WDFY4: variants seen among roughly 807,000 people sequenced by gnomAD.
The protein encoded by WDFY4 is WDFY family member 4, also known as WD repeat- and FYVE domain-containing protein 4.
WDFY4 carries 169 observed loss-of-function variants against 351.9 expected under a neutral mutation model. That is an observed-to-expected ratio of 0.48 (90% CI 0.42 to 0.55). The LOEUF is 0.55. Ranked by LOEUF, WDFY4 falls within the 20% of genes least tolerant of loss-of-function variation. The probability of loss-of-function intolerance (pLI) is 0.00; values close to 1 mark genes in which losing one functional copy is unlikely to be tolerated. For synonymous variants in WDFY4, 1,622 were observed against 1,574.6 expected, an observed-to-expected ratio of 1.03 and a Z score of -0.71; for missense variants, 3,803 against 3,935.6, an observed-to-expected ratio of 0.97 and a Z score of 0.90.
At position 48,811,654 on chromosome 10, in the gene WDFY4, C is replaced by T. The variant is rs375937231; in HGVS notation, c.5160C>T (p.Ile1720=). Reference sequence around the variant, plus strand: ...TCCACATTCCAGAGGTCTACCTCATCGTCTCCACCTTCTTCCTGCAGACAC... The same window carrying T: ...TCCACATTCCAGAGGTCTACCTCATTGTCTCCACCTTCTTCCTGCAGACAC... ...HHVHIPEVYL[I]VSTFFLQTPL... The change falls in exon 30 of 62, where the codon ATC becomes ATT. Residue 1720 remains isoleucine, a synonymous_variant. Coordinates refer to ENST00000325239, the MANE Select transcript of WDFY4 (RefSeq NM_001394531.1). The T allele has an allele frequency of 1.1e-4, 163 of 1,551,750 alleles. No individual in the cohort carries two copies. The highest frequency in any genetic ancestry group is 1.4e-4 in the Non-Finnish European group (155 of 1,147,048).
chr10:48,912,037 A>G (rs1351572302), intron 47 of WDFY4, among the ~76,000 whole-genome samples: 2 of 152,200 alleles, frequency 1.3e-5, no homozygotes, highest in Non-Finnish European at 2.9e-5. Context: ...ACTTGCCAAC[A>G]ACATAGGAAA....
intron 39 of WDFY4, among the ~76,000 whole-genome samples, chr10:48,864,354 A>G (rs751705806): frequency 6.6e-6 from 1 of 152,296 alleles, no homozygotes; most frequent in African/African-American, 2.4e-5. Flanking sequence ...TCCCCATTGT[A>G]TAGTTTTGGC....
At position 48,814,761 on chromosome 10, in the gene WDFY4, A is replaced by T. The variant is rs148410699; in HGVS notation, c.5340+679A>T. Among the ~76,000 whole-genome samples the T allele has an allele frequency of 4.8e-3, 726 of 152,342 alleles. 2 individuals carry two copies. The highest frequency in any genetic ancestry group is 0.017 in the African/African-American group (703 of 41,562). On this transcript the variant is annotated intron_variant, in intron 31 of 61. Transcript: ENST00000325239. Reference sequence around the variant, plus strand: ...ATGATTACCTTTAACATTTAAACAAAAGGGAAAAACAGAAAGTAAACAACA... The same window carrying T: ...ATGATTACCTTTAACATTTAAACAATAGGGAAAAACAGAAAGTAAACAACA...
intron 39 of WDFY4, among the ~76,000 whole-genome samples, chr10:48,836,374 G>A (rs374095541): frequency 2.0e-5 from 3 of 152,150 alleles, no homozygotes; most frequent in Admixed American, 1.3e-4. Flanking sequence ...AAAGCAGCAC[G>A]GAGACATTAT....
At chr10:48,958,150 T>C (rs1841694125) in intron 52 of WDFY4, among the ~76,000 whole-genome samples, 1 of 152,078 alleles carries the variant, frequency 6.6e-6, no homozygotes, top group Non-Finnish European at 1.5e-5. Flanking sequence ...CAGAGGAGAT[T>C]AGTCCCTGCA....
In WDFY4 at chr10:48,946,129, G is replaced by A; in HGVS notation, c.7839G>A (p.Gln2613=). 1 of 1,549,530 alleles carries A rather than the reference G, an allele frequency of 6.5e-7. No individual in the cohort carries two copies. Among genetic ancestry groups the A allele is most frequent in the Non-Finnish European group, 8.7e-7 (1 of 1,146,430 alleles). The change falls in exon 50 of 62, where the codon CAG becomes CAA. Residue 2613 remains glutamine, a synonymous_variant. Transcript: ENST00000325239. Reference sequence around the variant, plus strand: ...AGGAAAGGAAGCTGAAATTTATCCAGAGGTTTAAAGAAGTTGAGAAAACTG... The same window carrying A: ...AGGAAAGGAAGCTGAAATTTATCCAAAGGTTTAAAGAAGTTGAGAAAACTG... ...QTKERKLKFI[Q]RFKEVEKTEG... is the part of the protein sequence containing the mutation.
At chr10:48,790,030 T>A in intron 22 of WDFY4, 45 bp downstream of exon 22, 3 of 1,536,992 alleles carry the variant, frequency 2.0e-6, no homozygotes, top group Non-Finnish European at 2.6e-6. Context: ...GAAGCAGGGT[T>A]TGTGCTGTCA....
At chr10:48,822,652 G>A (rs1367981453) in intron 35 of WDFY4, 115 bp downstream of exon 35, 1 of 1,295,920 alleles carries the variant, frequency 7.7e-7, no homozygotes, top group African/African-American at 1.5e-5. Flanking sequence ...ATCTGAGCCA[G>A]GTGGGAGGAA....
intron 2 of WDFY4, 102 bp downstream of exon 2, chr10:48,710,068 G>A (rs1424040957): frequency 1.8e-6 from 2 of 1,122,576 alleles, no homozygotes; most frequent in East Asian, 2.6e-5. Context: ...ATCCCAAGTG[G>A]ACTCTGATTG....
At position 48,969,210 on chromosome 10, in the gene WDFY4, G is replaced by A. The variant is rs967044183; in HGVS notation, c.8731G>A (p.Asp2911Asn). ...WNRTFSWGFD[D>N]FSCCLGSYGS... ...CAGGACCTTCAGCTGGGGCTTTGAT[G>A]ACTTCAGCTGCTGCTTGGGGAGCTA... is the stretch of plus-strand genomic sequence containing the variant. The change falls in exon 56 of 62, where the codon GAC becomes AAC. Residue 2911 changes from aspartate to asparagine, a missense_variant. Asp to Asn is a conservative substitution (Grantham distance 23, BLOSUM62 1). Transcript: ENST00000325239. The A allele has an allele frequency of 6.4e-7, 1 of 1,551,458 alleles. No homozygotes were observed. The highest frequency in any genetic ancestry group is 8.7e-7 in the Non-Finnish European group (1 of 1,146,936).
intron 12 of WDFY4, among the ~76,000 whole-genome samples, chr10:48,757,893 C>A (rs2065383643): frequency 6.6e-6 from 1 of 152,030 alleles, no homozygotes; most frequent in East Asian, 1.9e-4. Flanking sequence ...TTCCCTCTAT[C>A]CTTCCCTATT....
intron 1 of WDFY4, among the ~76,000 whole-genome samples, chr10:48,701,874 T>C (rs574770820): frequency 1.8e-3 from 269 of 152,264 alleles, no homozygotes; most frequent in African/African-American, 6.0e-3. Flanking sequence ...AAGTGAGCTC[T>C]CAGGGAGGGA....
intron 1 of WDFY4, among the ~76,000 whole-genome samples, chr10:48,692,122 G>A (rs1565095910): frequency 6.6e-6 from 1 of 152,248 alleles, no homozygotes; most frequent in East Asian, 1.9e-4. Context: ...TGTATGCATA[G>A]CAGCTCCACG....
chr10:48,953,333 T>TCTCTCTCTCTCTCTCACA (rs771339557), intron 51 of WDFY4, among the ~76,000 whole-genome samples: 81 of 128,230 alleles, frequency 6.3e-4, no homozygotes, highest in African/African-American at 1.7e-3. Flanking sequence ...TCTCTCTCTC[T>TCTCTCTCTCTCTCTCACA]CACACACACA....
At chr10:48,855,602 A>G (rs1160507246) in intron 39 of WDFY4, among the ~76,000 whole-genome samples, 1 of 152,104 alleles carries the variant, frequency 6.6e-6, no homozygotes, top group Non-Finnish European at 1.5e-5. Flanking sequence ...TTATCTATTC[A>G]TAGTTACTAT....
At chr10:48,770,174 A>G (rs754087306) in intron 13 of WDFY4, among the ~76,000 whole-genome samples, 1 of 152,172 alleles carries the variant, frequency 6.6e-6, no homozygotes, top group Admixed American at 6.5e-5. Context: ...AGGACGATCA[A>G]TTTTCTCTCC....
chr10:48,723,812 G>C (rs908825027), intron 5 of WDFY4, among the ~76,000 whole-genome samples: 2 of 152,048 alleles, frequency 1.3e-5, no homozygotes, highest in African/African-American at 4.8e-5. Flanking sequence ...GCCTCACATG[G>C]GTCACCTCCA....
intron 32 of WDFY4, among the ~76,000 whole-genome samples, chr10:48,819,029 G>A (rs1374857498): frequency 1.3e-5 from 2 of 152,230 alleles, no homozygotes; most frequent in Non-Finnish European, 2.9e-5. Flanking sequence ...CAAGGGCCAG[G>A]CTCGCCATCT....
chr10:48,781,989 A>G (rs1474652392), intron 19 of WDFY4, among the ~76,000 whole-genome samples: 2 of 152,196 alleles, frequency 1.3e-5, no homozygotes, highest in African/African-American at 4.8e-5. Context: ...TTGTTACAGA[A>G]ACTAGATTCA....
Sources: allele counts gnomAD v4.1 joint callset (sites outside exome capture counted in the v4.1 genomes callset), GRCh38; gene constraint gnomAD v4.1.1; transcripts MANE v1.5; gene names NCBI Gene and HGNC (gene_info 2026-07-23, HGNC 2026-07-21).